Variants in NCKAP1 observed in about 807,000 individuals in gnomAD.
NCKAP1 encodes the protein NCK associated protein 1.
A neutral mutation model predicts 151.2 loss-of-function variants in NCKAP1; 21 were observed. The ratio of observed to expected loss-of-function variants is 0.14; its 90% CI spans 0.10 to 0.20. NCKAP1 has a LOEUF of 0.20. NCKAP1 is among the 10% of genes least tolerant of loss of function. NCKAP1 has a pLI of 1.00. For missense variants in NCKAP1, 933 were observed against 1,352.1 expected (o/e 0.69, Z 4.86); for synonymous variants, 484 against 451.8 (o/e 1.07, Z -0.90).
At position 182,928,238 on chromosome 2, in the gene NCKAP1, C is replaced by T. The variant is rs922597108; in HGVS notation, c.3071-12G>A. 1.3e-6 allele frequency: 2 copies of T among 1,585,702 alleles called. No individual in the cohort carries two copies. The highest frequency in any genetic ancestry group is 1.4e-5 in the African/African-American group (1 of 73,990). On this transcript the variant is annotated splice_polypyrimidine_tract_variant and intron_variant, in intron 28 of 30. Transcript: ENST00000361354. ...GTTGTTGCAATGCCCTGAGAAAATG[C>T]AAATAGGGTTGTGTAGACCCCAAAA...
In NCKAP1 at chr2:183,002,978, T is replaced by C. The variant is rs1164465041; in HGVS notation, c.365A>G (p.Asp122Gly). Residue 122 changes from aspartate (D) to glycine (G), a missense_variant, in exon 4 of 31, where the codon GAT becomes GGT. By Grantham distance (94) the Asp-to-Gly change is moderately conservative. Around this residue, in one of 2 missense-constraint regions of NCKAP1, gnomAD observed 607 missense variants for 795.0 expected, o/e 0.76. Transcript: ENST00000361354. ...NTIDVCQVFFDITVNFDLTKN... is the reference protein window; with the variant it reads ...NTIDVCQVFFGITVNFDLTKN... ...TTTTCTGAAAATGATACTTACAATA[T>C]CAAAGAAGACTTGGCAAACGTCAAT... The C allele has an allele frequency of 1.2e-6, 2 of 1,606,540 alleles. No homozygotes were observed. The highest frequency in any genetic ancestry group is 3.4e-5 in the Admixed American group (2 of 59,634).
intron 1 of NCKAP1, among the ~76,000 whole-genome samples, chr2:183,025,812 TAAA>T: frequency 1.3e-5 from 2 of 152,138 alleles, no homozygotes; most frequent in Non-Finnish European, 1.5e-5. Flanking sequence ...AATCACATAA[TAAA>T]AATCAAGTGT....
chr2:183,002,010 A>C lies in NCKAP1; in HGVS notation c.546T>G (p.Ile182Met). 2 of 1,613,866 alleles carry C rather than the reference A, an allele frequency of 1.2e-6. No homozygotes were observed. Among genetic ancestry groups the C allele is most frequent in the Non-Finnish European group, 1.7e-6 (2 of 1,179,858 alleles). The change falls in exon 6 of 31, where the codon ATT becomes ATG. Residue 182 changes from isoleucine (I) to methionine (M), a missense_variant. By Grantham distance (10) the Ile-to-Met change is conservative. Around this residue, in one of 2 missense-constraint regions of NCKAP1, gnomAD observed 607 missense variants for 795.0 expected, o/e 0.76. Transcript: ENST00000361354. ...DREYPRLGQMIVDYENPLKKM... is the reference protein window; with the variant it reads ...DREYPRLGQMMVDYENPLKKM... The stretch of plus-strand genomic sequence containing the variant: ...TCTTTAAAGGGTTTTCATAATCCAC[A>C]ATCATCTGGCCAAGGCGTGGGTATT...
In NCKAP1 at chr2:182,981,049, A is replaced by G. The variant is rs560879247; in HGVS notation, c.1341+195T>C. 2.0e-4 allele frequency among the ~76,000 whole-genome samples: 31 copies of G among 152,320 alleles called. 1 individual carries two copies. Among genetic ancestry groups the G allele is most frequent in the African/African-American group, 7.2e-4 (30 of 41,564 alleles). On this transcript the variant is annotated intron_variant, in intron 13 of 30. Transcript: ENST00000361354. Reference sequence around the variant, plus strand: ...TGTGTTCATTCTGAGCTTTATATATACTTAATGCATAACACCTATCACATT... The same window carrying G: ...TGTGTTCATTCTGAGCTTTATATATGCTTAATGCATAACACCTATCACATT...
In NCKAP1 at chr2:182,934,767, C is replaced by T. The variant is rs957559611; in HGVS notation, c.2844G>A (p.Arg948=). The T allele has an allele frequency of 1.4e-6, 2 of 1,472,758 alleles. No individual in the cohort carries two copies. Among genetic ancestry groups the T allele is most frequent in the Non-Finnish European group, 1.9e-6 (2 of 1,058,292 alleles). The allele number at this position is 1,472,758 out of a possible 1,614,324, so 91.2% of individuals were successfully genotyped here. ...SIEDFKDHIP[R]ETDMKVAMNV... ...ATATTATTACCTTCATATCAGTTTCCCTTGGAATGTGATCCTTAAAATCTT... is the reference window on the plus strand; with the variant it reads ...ATATTATTACCTTCATATCAGTTTCTCTTGGAATGTGATCCTTAAAATCTT... Residue 948 remains arginine (R), a synonymous_variant, in exon 26 of 31, where the codon AGG becomes AGA. Coordinates refer to ENST00000361354, the MANE Select transcript of NCKAP1 (RefSeq NM_013436.5).
rs960324914 is a variant in NCKAP1 at position 182,989,024 on chromosome 2, C to T, written c.947+6G>A. ...AAAAAAGACAAAATAAATGAAAATG[C>T]CATACCCTCGTATGTTTACAAATAA... On this transcript the variant is annotated splice_donor_region_variant and intron_variant, in intron 9 of 30. Transcript: ENST00000361354. 6.2e-6 allele frequency: 10 copies of T among 1,601,096 alleles called. No homozygotes were observed. The highest frequency in any genetic ancestry group is 7.7e-6 in the Non-Finnish European group (9 of 1,176,400).
chr2:182,962,372 G>T, intron 17 of NCKAP1, 94 bp from the exon 18 acceptor site: 1 of 1,239,714 alleles, frequency 8.1e-7, no homozygotes, highest in Non-Finnish European at 1.1e-6. Flanking sequence ...TTAGGCTAAA[G>T]GTACATTCCG....
chr2:183,029,821 G>GAAAAA (rs71405500), intron 1 of NCKAP1, among the ~76,000 whole-genome samples: 6 of 50,676 alleles, frequency 1.2e-4, no homozygotes, highest in African/African-American at 3.2e-4. Flanking sequence ...ACCCTGACTC[G>GAAAAA]AAAAAAAAAA....
chr2:183,002,370 T>C (rs1176132078), intron 4 of NCKAP1, 101 bp from the exon 5 acceptor site: 2 of 805,652 alleles, frequency 2.5e-6, no homozygotes, highest in Admixed American at 3.5e-5. Flanking sequence ...TAATTTTCTG[T>C]ATTTATTTTA....
intron 1 of NCKAP1, 86 bp from the exon 2 acceptor site, chr2:183,024,002 GAT>G: frequency 9.6e-7 from 1 of 1,045,146 alleles, no homozygotes; most frequent in Non-Finnish European, 1.4e-6. Flanking sequence ...AAATTAAAGA[GAT>G]ATTTATTGTT....
At chr2:182,994,940 C>G (rs1189260895) in intron 7 of NCKAP1, 53 bp from the exon 8 acceptor site, 8 of 1,379,614 alleles carry the variant, frequency 5.8e-6, no homozygotes, top group Non-Finnish European at 8.2e-6. Context: ...AAAAAATATT[C>G]CATATTGAGC....
intron 18 of NCKAP1, 26 bp from the exon 19 acceptor site, chr2:182,957,622 T>C: frequency 6.2e-7 from 1 of 1,606,074 alleles, no homozygotes; most frequent in Non-Finnish European, 8.5e-7. Flanking sequence ...AATGAAATCT[T>C]ACATTACACC....
intron 6 of NCKAP1, among the ~76,000 whole-genome samples, 189 bp from the exon 7 acceptor site, chr2:182,996,027 T>TA (rs1253287058): frequency 1.3e-5 from 2 of 152,200 alleles, no homozygotes; most frequent in Non-Finnish European, 2.9e-5. Context: ...GCTAACGTTA[T>TA]AAAAGCTACA....
intron 9 of NCKAP1, among the ~76,000 whole-genome samples, chr2:182,987,576 C>T (rs1041912177): frequency 2.4e-4 from 37 of 152,166 alleles, no homozygotes; most frequent in African/African-American, 8.7e-4. Context: ...TTGCACCATA[C>T]ATAAGTTCAC....
At chr2:182,982,995 A>G in intron 11 of NCKAP1, 68 bp from the exon 12 acceptor site, 1 of 1,180,756 alleles carries the variant, frequency 8.5e-7, no homozygotes, top group East Asian at 2.5e-5. Flanking sequence ...ATCTCTTTCT[A>G]TGTGAAAAGT....
At position 183,007,832 on chromosome 2, in the gene NCKAP1, A is replaced by T. The variant is rs528636490; in HGVS notation, c.220-4507T>A. ...ACCCTAGTCATCAACTCTCATGTGG[A>T]CTCCTACGGTAGCACCCTAACTGGT... On this transcript the variant is annotated intron_variant, in intron 2 of 30. Transcript: ENST00000361354. Among the ~76,000 whole-genome samples the T allele has an allele frequency of 1.6e-4, 24 of 152,032 alleles. No individual in the cohort carries two copies. The East Asian group carries it at 4.7e-3, about 29-fold the overall frequency.
chr2:182,985,719 C>T (rs1001540222), intron 10 of NCKAP1, among the ~76,000 whole-genome samples: 3 of 150,624 alleles, frequency 2.0e-5, no homozygotes, highest in African/African-American at 7.4e-5. Context: ...AGGAGAATTG[C>T]TTGAACCCGG....
At chr2:183,005,026 T>C (rs982073676) in intron 2 of NCKAP1, among the ~76,000 whole-genome samples, 5 of 149,178 alleles carry the variant, frequency 3.4e-5, no homozygotes, top group African/African-American at 5.1e-5. Flanking sequence ...TTGCACAACA[T>C]TATCTGTTTC....
chr2:182,943,700 T>C (rs937029986), intron 23 of NCKAP1, among the ~76,000 whole-genome samples: 2 of 152,146 alleles, frequency 1.3e-5, no homozygotes, highest in Admixed American at 6.5e-5. Context: ...GAAATACTGA[T>C]ATATGTTTAA....
Sources: gnomAD v4.1 joint callset for allele counts (sites outside exome capture counted in the v4.1 genomes callset) on GRCh38, gnomAD v4.1.1 for gene constraint, gnomAD v4.1.1 regional missense constraint, MANE v1.5 for transcripts, NCBI Gene and HGNC (gene_info 2026-07-23, HGNC 2026-07-21) for gene names.